The following FBXL13 variants were observed in gnomAD, a reference collection of about 807,000 sequenced individuals.
FBXL13 encodes F-box and leucine rich repeat protein 13.
In FBXL13, 67 loss-of-function variants were observed where a neutral mutation model predicts 83.6. The observed-to-expected ratio is 0.80, with a 90% confidence interval of 0.66 to 0.98. FBXL13 has a LOEUF of 0.98. Ranked by LOEUF, FBXL13 falls within the 50% of genes least tolerant of loss-of-function variation. FBXL13 has a pLI of 0.00. For synonymous variants in FBXL13, 272 were observed against 299.5 expected, an observed-to-expected ratio of 0.91 and a Z score of 0.95; for missense variants, 822 against 866.5, an observed-to-expected ratio of 0.95 and a Z score of 0.64.
intron 16 of FBXL13, among the ~76,000 whole-genome samples, chr7:102,862,012 A>G (rs1391024452): frequency 8.7e-5 from 13 of 149,218 alleles, no homozygotes; most frequent in Admixed American, 8.7e-4. Context: ...ACATCTGCAT[A>G]TGTGTGTGTA....
At chr7:102,976,922 G>A (rs547872082) in intron 6 of FBXL13, among the ~76,000 whole-genome samples, 1 of 152,312 alleles carries the variant, frequency 6.6e-6, no homozygotes, top group East Asian at 1.9e-4. Flanking sequence ...ACTTTCTGCA[G>A]TTCCCTCCAA....
At chr7:103,033,232 G>A (rs1034088645) in intron 2 of FBXL13, among the ~76,000 whole-genome samples, 6 of 152,124 alleles carry the variant, frequency 3.9e-5, no homozygotes, top group Non-Finnish European at 7.3e-5. Flanking sequence ...TGGGGATGGG[G>A]TGGGGAGCCA....
chr7:102,939,730 A>C, intron 8 of FBXL13: 1 of 759,308 alleles, frequency 1.3e-6, no homozygotes, highest in Non-Finnish European at 2.0e-6. Context: ...TGACACTTAT[A>C]CTAGGAGTTG....
intron 16 of FBXL13, among the ~76,000 whole-genome samples, chr7:102,866,155 T>A (rs1184253973): frequency 6.6e-6 from 1 of 152,214 alleles, no homozygotes; most frequent in East Asian, 1.9e-4. Flanking sequence ...AATTGGCATC[T>A]CTGTTACCTG....
intron 11 of FBXL13, 97 bp downstream of exon 12, chr7:102,912,989 C>A: frequency 6.7e-7 from 1 of 1,495,028 alleles, no homozygotes; most frequent in South Asian, 1.3e-5. Flanking sequence ...GTGCTGCGGT[C>A]CGTGCACAGC....
intron 5 of FBXL13, 129 bp downstream of exon 6, chr7:103,027,317 AAAC>A: frequency 1.6e-6 from 1 of 615,650 alleles, no homozygotes; most frequent in Non-Finnish European, 2.7e-6. Context: ...AAATAAAAAA[AAAC>A]AAGAATCCCA....
Position 102,980,356 on chromosome 7 carries a change from GA to G in FBXL13, c.496-12240del, listed in dbSNP as rs545901011. ...AGTGTGGCAAAACATTCAATGGGGG[GA>G]AAAAAGTCTTTTAAATAAATGGGAC... On this transcript the variant is annotated intron_variant, in intron 6 of 19. Transcript: ENST00000313221. Among the ~76,000 whole-genome samples, 751 of 152,202 alleles carry G rather than the reference GA, an allele frequency of 4.9e-3. 4 individuals are homozygous for G. The highest frequency in any genetic ancestry group is 8.5e-3 in the Non-Finnish European group (576 of 68,002).
intron 8 of FBXL13, among the ~76,000 whole-genome samples, chr7:102,960,355 CAA>C (rs1824987285): frequency 6.6e-6 from 1 of 152,016 alleles, no homozygotes; most frequent in South Asian, 2.1e-4. Context: ...GCTTACCAAT[CAA>C]AAAGAGTCCA....
chr7:103,016,792 T>C (rs369045640), intron 6 of FBXL13, among the ~76,000 whole-genome samples: 3 of 152,176 alleles, frequency 2.0e-5, no homozygotes, highest in East Asian at 3.9e-4. Context: ...GCGCCCGCCA[T>C]TGCTGAGGCT....
At chr7:102,893,964 GAGAAAGAAAGAAAGAAAGAGGAA>G (rs982549607) in intron 11 of FBXL13, among the ~76,000 whole-genome samples, 1 of 75,326 alleles carries the variant, frequency 1.3e-5, no homozygotes. Flanking sequence ...GAAAGAAAGA[GAGAAAGAAAGAAAGAAAGAGGAA>G]AGAAAGAAAG....
intron 17 of FBXL13, among the ~76,000 whole-genome samples, chr7:102,837,622 C>T (rs1802227510): frequency 6.6e-6 from 1 of 152,132 alleles, no homozygotes; most frequent in African/African-American, 2.4e-5. Flanking sequence ...GCAGCATGAT[C>T]ATAGCTCACT....
exon 2 of FBXL13, chr7:103,055,711 C>G (rs1337711759): frequency 1.6e-6 from 2 of 1,285,318 alleles, no homozygotes; most frequent in Non-Finnish European, 2.0e-6. Context: ...CTCAGCGGAT[C>G]CTCAGGACAT....
chr7:102,847,815 T>A (rs1298027162), intron 17 of FBXL13, among the ~76,000 whole-genome samples: 1 of 152,030 alleles, frequency 6.6e-6, no homozygotes, highest in Admixed American at 6.6e-5. Flanking sequence ...AGGTGTGAAC[T>A]ACTGCACCCA....
intron 9 of FBXL13, among the ~76,000 whole-genome samples, chr7:102,926,965 T>C (rs1818259370): frequency 6.6e-6 from 1 of 152,184 alleles, no homozygotes; most frequent in African/African-American, 2.4e-5. Context: ...TACATACCAG[T>C]TGGGCAGGAG....
At position 102,971,522 on chromosome 7, in the gene FBXL13, G is replaced by A. The variant is rs575378052; in HGVS notation, c.496-3405C>T. 5.3e-5 allele frequency among the ~76,000 whole-genome samples: 8 copies of A among 151,594 alleles called. No homozygotes were observed. The East Asian group carries it at 5.8e-4, about 11-fold the overall frequency. ...TGAGGCAGGAGAATCGCTTGAACCC[G>A]GGCGGAGGTGGCGGTGAGCCAAGAT... is the stretch of plus-strand genomic sequence containing the variant. On this transcript the variant is annotated intron_variant, in intron 6 of 19. Coordinates refer to ENST00000313221, the Ensembl canonical transcript of FBXL13.
At chr7:102,997,842 ATACTCT>A (rs1487110401) in intron 6 of FBXL13, among the ~76,000 whole-genome samples, 1 of 152,174 alleles carries the variant, frequency 6.6e-6, no homozygotes, top group Non-Finnish European at 1.5e-5. Flanking sequence ...ACAGTGACAG[ATACTCT>A]TGGTCATTGT....
intron 9 of FBXL13, among the ~76,000 whole-genome samples, chr7:102,929,597 G>A (rs1182264664): frequency 6.8e-6 from 1 of 147,410 alleles, no homozygotes; most frequent in Non-Finnish European, 1.5e-5. Context: ...CTGGGAGGTG[G>A]AGGTTGTAGT....
At chr7:103,029,252 A>T in intron 3 of FBXL13, 99 bp downstream of exon 4, 1 of 651,524 alleles carries the variant, frequency 1.5e-6, no homozygotes, top group East Asian at 3.2e-5. Flanking sequence ...TTAAACAGAT[A>T]AAATCAGCAC....
intron 2 of FBXL13, among the ~76,000 whole-genome samples, chr7:103,030,793 TTTCTA>T (rs1423893149): frequency 6.6e-6 from 1 of 152,198 alleles, no homozygotes; most frequent in South Asian, 2.1e-4. Context: ...ATAAAAGCAT[TTTCTA>T]TTCTATTATT....
Sources: allele counts gnomAD v4.1 joint callset (sites outside exome capture counted in the v4.1 genomes callset), GRCh38; gene constraint gnomAD v4.1.1; transcripts MANE v1.5; gene names NCBI Gene and HGNC (gene_info 2026-07-23, HGNC 2026-07-21).